The following SOS2 variants were observed in gnomAD, a reference collection of about 807,000 sequenced individuals.
SOS2 encodes SOS Ras/Rho guanine nucleotide exchange factor 2, also known as son of sevenless homolog 2.
Under a neutral mutation model 148.2 loss-of-function variants are expected in SOS2, and 65 were observed. The observed-to-expected ratio is 0.44, with a 90% CI of 0.36 to 0.54. The LOEUF (loss-of-function observed/expected upper bound fraction) is 0.54, where lower values mean the gene tolerates loss of function less well. Among genes scored for constraint, SOS2 ranks in the 20% least tolerant of loss-of-function variants. SOS2 has a pLI of 0.00. For missense variants in SOS2, 1,341 were observed against 1,590.2 expected (o/e 0.84, Z 2.67); for synonymous variants, 539 against 537.1 (o/e 1.00, Z -0.05).
intron 7 of SOS2, among the ~76,000 whole-genome samples, chr14:50,178,711 T>TATATATATATATATATAC (rs1237281191): frequency 8.3e-6 from 1 of 120,424 alleles, no homozygotes; most frequent in Non-Finnish European, 1.6e-5. Context: ...TATATATATA[T>TATATATATATATATATAC]ACACACATAT....
intron 8 of SOS2, among the ~76,000 whole-genome samples, chr14:50,169,810 A>G (rs1222737761): frequency 2.6e-5 from 4 of 152,058 alleles, no homozygotes; most frequent in Admixed American, 6.5e-5. Context: ...TATAGAATAT[A>G]TATCTATAAT....
chr14:50,140,606 G>A (rs111787125), intron 16 of SOS2, among the ~76,000 whole-genome samples: 5 of 152,252 alleles, frequency 3.3e-5, no homozygotes, highest in African/African-American at 1.2e-4. Flanking sequence ...ATGCTTGATG[G>A]AGAACCATTC....
intron 1 of SOS2, among the ~76,000 whole-genome samples, chr14:50,219,280 C>T (rs1002240916): frequency 6.6e-6 from 1 of 151,856 alleles, no homozygotes; most frequent in Admixed American, 6.6e-5. Flanking sequence ...ACTAAATGTA[C>T]ATAAATAAGT....
At chr14:50,145,744 A>C in intron 14 of SOS2, 148 bp from the exon 15 acceptor site, 1 of 528,228 alleles carries the variant, frequency 1.9e-6, no homozygotes, top group Non-Finnish European at 3.3e-6. Context: ...ATAGACCCAA[A>C]TAGCTACAAA....
intron 14 of SOS2, among the ~76,000 whole-genome samples, chr14:50,146,430 G>C (rs1594971069): frequency 6.6e-6 from 1 of 152,072 alleles, no homozygotes; most frequent in African/African-American, 2.4e-5. Context: ...GATCACTTGA[G>C]GTCAGGAGTT....
chr14:50,134,373 C>A (rs541355429), intron 18 of SOS2, 134 bp from the exon 19 acceptor site: 1 of 545,920 alleles, frequency 1.8e-6, no homozygotes, highest in Admixed American at 3.3e-5. Context: ...TAAGAGCCCA[C>A]AATATGTGAA....
At chr14:50,178,664 GTGTGTGCATATATATA>G (rs1480761370) in intron 7 of SOS2, among the ~76,000 whole-genome samples, 276 of 15,814 alleles carry the variant, frequency 0.017, 2 homozygotes, top group African/African-American at 0.039. Context: ...GTGTGTGTGT[GTGTGTGCATATATATA>G]TATATATATA....
chr14:50,137,262 A>T (rs147403010), intron 18 of SOS2, among the ~76,000 whole-genome samples: 1 of 152,310 alleles, frequency 6.6e-6, no homozygotes, highest in Admixed American at 6.5e-5. Context: ...AATCGACAGG[A>T]TGTTAGAAAA....
intron 1 of SOS2, among the ~76,000 whole-genome samples, chr14:50,220,410 A>AAAAAAAAAAAAAAG (rs1887170111): frequency 6.8e-6 from 1 of 146,358 alleles, no homozygotes; most frequent in African/African-American, 2.5e-5. Flanking sequence ...CATCTCAAAA[A>AAAAAAAAAAAAAAG]AAAAAAAAAA....
In SOS2 at chr14:50,231,205, G is replaced by A. The variant is rs1197320242; in HGVS notation, c.79C>T (p.Leu27=). 1.3e-6 allele frequency: 2 copies of A among 1,483,464 alleles called. No homozygotes were observed. The highest frequency in any genetic ancestry group is 1.8e-6 in the Non-Finnish European group (2 of 1,102,064). The allele number at this position is 1,483,464 out of a possible 1,614,324, so 91.9% of individuals were successfully genotyped here. A position where few individuals can be genotyped will look rare whatever the true frequency, so the allele number is the denominator to read the frequency against. ...CCGCCCCTAGCACTGACCTTCCGCA[G>A]GGCCGAGACCAACAGTCCCCGCCAT... The part of the protein sequence containing the change: ...PKWRGLLVSA[L]RKVQEQVHPT... The change falls in exon 1 of 23, where the codon CTG becomes TTG. Residue 27 remains leucine, a synonymous_variant. Coordinates refer to ENST00000216373, the MANE Select transcript of SOS2 (RefSeq NM_006939.4).
intron 14 of SOS2, among the ~76,000 whole-genome samples, chr14:50,146,136 A>C (rs1347711222): frequency 7.1e-6 from 1 of 141,724 alleles, no homozygotes; most frequent in African/African-American, 2.9e-5. Flanking sequence ...TCTGTCTCCA[A>C]AAAAAAAAAA....
Position 50,130,734 on chromosome 14 carries a change from G to A in SOS2, c.3104C>T (p.Ser1035Phe). ...GCCTGTGTTAGGCCTTATTCCAGGA[G>A]ATTTTAAGGAAAAAGTTGATTTCCT... is the stretch of plus-strand genomic sequence containing the variant. ...FPRKSTFSLK[S>F]PGIRPNTGRH... is the part of the protein sequence containing the mutation. The change falls in exon 20 of 23, where the codon TCT becomes TTT. Residue 1035 changes from serine to phenylalanine, a missense_variant. Physicochemically the swap from Ser to Phe is radical, Grantham distance 155. Coordinates refer to ENST00000216373, the MANE Select transcript of SOS2 (RefSeq NM_006939.4). 1.9e-6 allele frequency: 3 copies of A among 1,603,176 alleles called. No individual in the cohort carries two copies. The highest frequency in any genetic ancestry group is 2.6e-6 in the Non-Finnish European group (3 of 1,175,932).
In SOS2 at chr14:50,134,142, C is replaced by T. The variant is rs1883997609; in HGVS notation, c.3056G>A (p.Cys1019Tyr). 6 of 1,569,968 alleles carry T rather than the reference C, an allele frequency of 3.8e-6. No homozygotes were observed. In the South Asian group the frequency reaches 4.5e-5, roughly 12 times the overall value. ...NKSLEIEPRN[C>Y]KQPPRFPRKS... ...ACTTACAAATCGAGGTGGCTGTTTG[C>T]AGTTTCGAGGTTCAATTTCTAGTGA... The change falls in exon 19 of 23, where the codon TGC (cysteine) becomes TAC (tyrosine). Residue 1019 changes from cysteine to tyrosine, a missense_variant. Physicochemically the swap from Cys to Tyr is radical, Grantham distance 194. Around this residue, in one of 4 missense-constraint regions of SOS2, gnomAD observed 408 missense variants for 506.6 expected, o/e 0.81. Coordinates refer to ENST00000216373, the MANE Select transcript of SOS2 (RefSeq NM_006939.4).
At chr14:50,191,769 G>A (rs1886147718) in intron 4 of SOS2, among the ~76,000 whole-genome samples, 1 of 152,068 alleles carries the variant, frequency 6.6e-6, no homozygotes, top group Non-Finnish European at 1.5e-5. Flanking sequence ...TTTCTGTTAG[G>A]CATTCTGATT....
At chr14:50,160,379 C>CTTTTTTTTTTT (rs200021758) in intron 9 of SOS2, among the ~76,000 whole-genome samples, 1 of 78,928 alleles carries the variant, frequency 1.3e-5, no homozygotes, top group South Asian at 5.0e-4. Flanking sequence ...CAATGCTAAT[C>CTTTTTTTTTTT]TTTTTTTTTT....
At chr14:50,215,960 T>G (rs1887030002) in intron 1 of SOS2, among the ~76,000 whole-genome samples, 1 of 152,222 alleles carries the variant, frequency 6.6e-6, no homozygotes, top group African/African-American at 2.4e-5. Context: ...ATAAATCCTT[T>G]TGGATATAGA....
At chr14:50,192,845 G>C (rs996614833) in intron 4 of SOS2, among the ~76,000 whole-genome samples, 2 of 151,838 alleles carry the variant, frequency 1.3e-5, no homozygotes, top group East Asian at 1.9e-4. Context: ...GCCTGGTTGA[G>C]AGAGTGAGAG....
At chr14:50,215,331 T>C (rs746865574) in intron 1 of SOS2, 3 of 1,219,656 alleles carry the variant, frequency 2.5e-6, no homozygotes, top group African/African-American at 1.6e-5. Context: ...ATTTCAAATA[T>C]GAAAACAGTC....
chr14:50,135,136 C>T (rs1285044694), intron 18 of SOS2, among the ~76,000 whole-genome samples: 2 of 141,680 alleles, frequency 1.4e-5, no homozygotes, highest in African/African-American at 5.2e-5. Context: ...TAAAGTTAAA[C>T]CTATCTGTGC....
Sources: allele counts gnomAD v4.1 joint callset (sites outside exome capture counted in the v4.1 genomes callset), GRCh38; gene constraint gnomAD v4.1.1; regional missense constraint gnomAD v4.1.1; transcripts MANE v1.5; gene names NCBI Gene and HGNC (gene_info 2026-07-23, HGNC 2026-07-21).